Variants in SLC25A36 observed in about 807,000 individuals in gnomAD.
The protein encoded by SLC25A36 is epididymis secretory sperm binding protein.
A neutral mutation model predicts 35.3 loss-of-function variants in SLC25A36; 24 were observed. The observed-to-expected ratio is 0.68, with a 90% CI of 0.49 to 0.96. The LOEUF (loss-of-function observed/expected upper bound fraction) is 0.96. Among genes scored for constraint, SLC25A36 ranks in the 40% least tolerant of loss-of-function variants. SLC25A36 has a pLI of 0.00. For synonymous variants in SLC25A36, 141 were observed against 132.2 expected, an observed-to-expected ratio of 1.07 and a Z score of -0.46; for missense variants, 294 against 381.1, an observed-to-expected ratio of 0.77 and a Z score of 1.90.
In SLC25A36 at chr3:140,979,458, C is replaced by T. The variant is rs1352996562; in HGVS notation, c.*3005C>T. 6.6e-6 allele frequency: 1 copy of T among 152,084 alleles called. No homozygotes were observed. Among genetic ancestry groups the T allele is most frequent in the Non-Finnish European group, 1.5e-5 (1 of 68,008 alleles). 9.4% of individuals were successfully genotyped at this position (152,084 alleles called of 1,614,324 possible). A position where few individuals can be genotyped will look rare whatever the true frequency, so the allele number is the denominator to read the frequency against. ...CCAGACTGTTAGTAATCTAGGGACC[C>T]CCTTTGGAGCTGATAAGTACAGTTC... On this transcript the variant is annotated 3_prime_UTR_variant, in exon 7 of 7. Coordinates refer to ENST00000324194, the MANE Select transcript of SLC25A36 (RefSeq NM_001104647.3).
chr3:140,955,296 T>A (rs1934450542), intron 1 of SLC25A36, among the ~76,000 whole-genome samples: 1 of 152,108 alleles, frequency 6.6e-6, no homozygotes, highest in Non-Finnish European at 1.5e-5. Context: ...TTTAGTGTAT[T>A]ATTGCATGGG....
intron 4 of SLC25A36, chr3:140,966,407 T>G: frequency 3.6e-6 from 1 of 279,952 alleles, no homozygotes; most frequent in Non-Finnish European, 7.3e-6. Flanking sequence ...ATGTGCAATA[T>G]TACTGGCCAT....
chr3:140,968,731 G>T (rs1934827345), intron 4 of SLC25A36: 4 of 980,832 alleles, frequency 4.1e-6, no homozygotes, highest in Non-Finnish European at 2.4e-6. Context: ...AGAAGCTTGG[G>T]TACTGCTTAA....
intron 4 of SLC25A36, among the ~76,000 whole-genome samples, chr3:140,969,387 G>A (rs371792426): frequency 1.1e-4 from 17 of 151,934 alleles, no homozygotes; most frequent in East Asian, 3.9e-4. Flanking sequence ...CTGCTGATGC[G>A]TCTAAAACTG....
chr3:140,974,933 A>T (rs1411382869), intron 6 of SLC25A36, among the ~76,000 whole-genome samples: 4 of 152,110 alleles, frequency 2.6e-5, no homozygotes, highest in Admixed American at 2.0e-4. Flanking sequence ...AAGTCAAAAT[A>T]GGACAGTATC....
At chr3:140,951,353 C>T (rs1934318577) in intron 1 of SLC25A36, among the ~76,000 whole-genome samples, 1 of 152,280 alleles carries the variant, frequency 6.6e-6, no homozygotes, top group African/African-American at 2.4e-5. Flanking sequence ...TAAATTGCAG[C>T]AAGAGAAATA....
At chr3:140,943,629 C>T (rs976826919) in intron 1 of SLC25A36, among the ~76,000 whole-genome samples, 19 of 152,178 alleles carry the variant, frequency 1.2e-4, no homozygotes, top group Admixed American at 2.0e-4. Flanking sequence ...TGTAGTCTAG[C>T]ACTATTTTAA....
At chr3:140,944,677 A>C (rs1346027991) in intron 1 of SLC25A36, among the ~76,000 whole-genome samples, 1 of 150,506 alleles carries the variant, frequency 6.6e-6, no homozygotes, top group East Asian at 2.0e-4. Context: ...ATATACCTTA[A>C]GATTTTAAGT....
At chr3:140,968,601 T>C (rs748813188) in intron 4 of SLC25A36, 34 of 936,122 alleles carry the variant, frequency 3.6e-5, no homozygotes, top group Non-Finnish European at 4.3e-5. Flanking sequence ...TTTATGGGTC[T>C]TTAAAAGGTT....
At chr3:140,968,926 TC>T in intron 4 of SLC25A36, among the ~76,000 whole-genome samples, 1 of 151,840 alleles carries the variant, frequency 6.6e-6, no homozygotes, top group Non-Finnish European at 1.5e-5. Flanking sequence ...AAATAGTTTT[TC>T]TTAAGATTTC....
At chr3:140,944,488 A>G (rs1934110773) in intron 1 of SLC25A36, among the ~76,000 whole-genome samples, 2 of 152,194 alleles carry the variant, frequency 1.3e-5, no homozygotes, top group Non-Finnish European at 2.9e-5. Flanking sequence ...AAAGGTGTAA[A>G]TGTGATTTAA....
Position 140,959,019 on chromosome 3 carries a change from C to CT in SLC25A36, c.207-430dup, listed in dbSNP as rs1159715371. On this transcript the variant is annotated intron_variant, in intron 2 of 6. Transcript: ENST00000324194. ...GTGTGTGTGTGTGTGTTTTCTTTTT[C>CT]TTTTTTTTTTTTTTGGAGACAGAGT... is the stretch of plus-strand genomic sequence containing the variant. Among the ~76,000 whole-genome samples, 294 of 78,554 alleles carry CT rather than the reference C, an allele frequency of 3.7e-3. 6 individuals carry two copies. Among genetic ancestry groups the CT allele is most frequent in the East Asian group, 6.2e-3 (16 of 2,566 alleles). 51.5% of individuals were successfully genotyped at this position (78,554 alleles called of 152,430 possible).
At position 140,979,986 on chromosome 3, in the gene SLC25A36, A is replaced by G. The variant is rs747487379; in HGVS notation, c.*3533A>G. The G allele has an allele frequency of 3.3e-5, 5 of 152,150 alleles. No homozygotes were observed. The highest frequency in any genetic ancestry group is 5.9e-5 in the Non-Finnish European group (4 of 68,022). 9.4% of individuals were successfully genotyped at this position (152,150 alleles called of 1,614,324 possible). A position where few individuals can be genotyped will look rare whatever the true frequency, so the allele number is the denominator to read the frequency against. On this transcript the variant is annotated 3_prime_UTR_variant, in exon 7 of 7. Transcript: ENST00000324194. Reference sequence around the variant, plus strand: ...TCAACATTTTATTGAGAACATAATCACACTTTTTTGGATTATCCTATGTGT... The same window carrying G: ...TCAACATTTTATTGAGAACATAATCGCACTTTTTTGGATTATCCTATGTGT...
At chr3:140,969,890 A>C (rs1245906479) in intron 4 of SLC25A36, among the ~76,000 whole-genome samples, 1 of 152,010 alleles carries the variant, frequency 6.6e-6, no homozygotes, top group South Asian at 2.1e-4. Flanking sequence ...TGATAGAAAT[A>C]TTAAAACAGT....
Position 140,976,467 on chromosome 3 carries a change from G to A in SLC25A36, c.*14G>A, listed in dbSNP as rs891274453. On this transcript the variant is annotated 3_prime_UTR_variant, in exon 7 of 7. Coordinates refer to ENST00000324194, the MANE Select transcript of SLC25A36 (RefSeq NM_001104647.3). ...CTCAATGGATAGCAGCACGAGGACT[G>A]CTGTACTGCAAAAAAAGAAGACCAA... 6.3e-7 allele frequency: 1 copy of A among 1,583,152 alleles called. No homozygotes were observed. The highest frequency in any genetic ancestry group is 8.6e-7 in the Non-Finnish European group (1 of 1,168,238).
rs10662120 is a variant in SLC25A36 at position 140,975,097 on chromosome 3, CTTTTTTTTTTTTTT to C, written c.742+1109_742+1122del. Reference sequence around the variant, plus strand: ...GTACAGTTGATAAACAAGATACATTCTTTTTTTTTTTTTTTTTTTTTTTTTTTTTTGATAGGATC... The same window carrying C: ...GTACAGTTGATAAACAAGATACATTCTTTTTTTTTTTTTTTTGATAGGATC... On this transcript the variant is annotated intron_variant, in intron 6 of 6. Coordinates refer to ENST00000324194, the MANE Select transcript of SLC25A36 (RefSeq NM_001104647.3). Among the ~76,000 whole-genome samples the C allele has an allele frequency of 1.4e-4, 8 of 55,222 alleles. No homozygotes were observed. The East Asian group carries it at 3.3e-3, about 23-fold the overall frequency. The allele number at this position is 55,222 out of a possible 152,430, so 36.2% of individuals were successfully genotyped here.
intron 3 of SLC25A36, among the ~76,000 whole-genome samples, chr3:140,961,670 A>G (rs932835267): frequency 1.3e-5 from 2 of 151,854 alleles, no homozygotes; most frequent in African/African-American, 4.8e-5. Context: ...CCTGGCTAAC[A>G]CAGTGAAACC....
At chr3:140,968,572 G>T (rs1056126) in intron 4 of SLC25A36, 43,027 of 927,254 alleles carry the variant, frequency 0.046, 1,297 homozygotes, top group East Asian at 0.16. Flanking sequence ...TATGTACAGA[G>T]AATAATTTAA....
chr3:140,974,974 G>A (rs1320228122), intron 6 of SLC25A36, among the ~76,000 whole-genome samples: 1 of 152,096 alleles, frequency 6.6e-6, no homozygotes, highest in Non-Finnish European at 1.5e-5. Flanking sequence ...GACCTATGGG[G>A]TAGGTTAGGA....
Sources: gnomAD v4.1 joint callset for allele counts (sites outside exome capture counted in the v4.1 genomes callset) on GRCh38, gnomAD v4.1.1 for gene constraint, MANE v1.5 for transcripts, NCBI Gene and HGNC (gene_info 2026-07-23, HGNC 2026-07-21) for gene names.